Variants in TRPM1 observed in about 807,000 individuals in gnomAD.
TRPM1 encodes TRPM1-203 APA Isoform, Intron 10.
Under a neutral mutation model 149.4 loss-of-function variants are expected in TRPM1, and 113 were observed. That is an observed-to-expected ratio of 0.76 (90% CI 0.65 to 0.88). The LOEUF (loss-of-function observed/expected upper bound fraction) is 0.88. Among genes scored for constraint, TRPM1 ranks in the 40% least tolerant of loss-of-function variants. The pLI is 0.00. For synonymous variants in TRPM1, 741 were observed against 759.5 expected (o/e 0.98, Z 0.40); for missense variants, 1,976 against 2,038.7 (o/e 0.97, Z 0.59).
At chr15:31,094,276 G>A (rs117403031) in intron 1 of TRPM1, among the ~76,000 whole-genome samples, 2,005 of 152,182 alleles carry the variant, frequency 0.013, 17 homozygotes, top group Non-Finnish European at 0.02. Flanking sequence ...ATATATGTGT[G>A]AATTTTCATT....
chr15:31,058,459 G>T (rs2034142521), intron 11 of TRPM1, among the ~76,000 whole-genome samples: 1 of 152,136 alleles, frequency 6.6e-6, no homozygotes, highest in African/African-American at 2.4e-5. Context: ...GTTCAGCAGT[G>T]AACAATCTCC....
At chr15:31,156,930 A>ATTTTT (rs11398253) in intron 1 of TRPM1, among the ~76,000 whole-genome samples, 18 of 147,538 alleles carry the variant, frequency 1.2e-4, no homozygotes, top group African/African-American at 3.5e-4. Flanking sequence ...ACTTACATTT[A>ATTTTT]TTTTTTTTTT....
At chr15:31,151,621 G>A (rs1451568357) in intron 1 of TRPM1, among the ~76,000 whole-genome samples, 2 of 152,254 alleles carry the variant, frequency 1.3e-5, no homozygotes, top group African/African-American at 4.8e-5. Context: ...GCCCCATCCA[G>A]CCCAGTGGTG....
At chr15:31,114,354 CT>C (rs1431021570) in intron 1 of TRPM1, among the ~76,000 whole-genome samples, 1 of 152,160 alleles carries the variant, frequency 6.6e-6, no homozygotes, top group Non-Finnish European at 1.5e-5. Context: ...TGATCTTGTT[CT>C]TTTTTATGGC....
At chr15:31,052,437 A>G (rs1325198981) in intron 11 of TRPM1, among the ~76,000 whole-genome samples, 1 of 152,162 alleles carries the variant, frequency 6.6e-6, no homozygotes, top group African/African-American at 2.4e-5. Flanking sequence ...ACAAATATTA[A>G]CTCAAAATGA....
intron 1 of TRPM1, among the ~76,000 whole-genome samples, chr15:31,125,073 A>G (rs1596087630): frequency 6.6e-6 from 1 of 151,518 alleles, no homozygotes; most frequent in Non-Finnish European, 1.5e-5. Flanking sequence ...TACTTGGGAG[A>G]CTGAGGTAGG....
chr15:31,148,985 C>T (rs1204624570), intron 1 of TRPM1, among the ~76,000 whole-genome samples: 1 of 152,228 alleles, frequency 6.6e-6, no homozygotes, highest in East Asian at 1.9e-4. Context: ...AAGAGTGCAA[C>T]CCACCCGTGT....
upstream of TRPM1, among the ~76,000 whole-genome samples, chr15:31,102,367 C>G (rs1161151680): frequency 6.6e-6 from 1 of 152,204 alleles, no homozygotes; most frequent in Admixed American, 6.5e-5. Flanking sequence ...GCTTTCTCAG[C>G]CCAGGAGGAA....
intron 1 of TRPM1, among the ~76,000 whole-genome samples, chr15:31,091,572 C>T (rs535056223): frequency 6.6e-6 from 1 of 152,280 alleles, no homozygotes; most frequent in South Asian, 2.1e-4. Context: ...TTGGGAGCAG[C>T]AGGGGTTGTT....
chr15:31,060,703 G>A (rs2034209428), intron 10 of TRPM1, 59 bp from the exon 11 acceptor site: 4 of 1,427,268 alleles, frequency 2.8e-6, no homozygotes, highest in Non-Finnish European at 3.9e-6. Context: ...CCAGGGTTTG[G>A]CAGGTGCTGG....
At chr15:31,084,004 G>T (rs1263533446) in intron 1 of TRPM1, among the ~76,000 whole-genome samples, 3 of 152,138 alleles carry the variant, frequency 2.0e-5, no homozygotes, top group Non-Finnish European at 2.9e-5. Flanking sequence ...GGGCTGGCTT[G>T]CAGGAAATGC....
chr15:31,137,602 C>T (rs1050327433), intron 1 of TRPM1, among the ~76,000 whole-genome samples: 8 of 149,068 alleles, frequency 5.4e-5, no homozygotes, highest in African/African-American at 1.7e-4. Context: ...TCTAAAATTG[C>T]TTTTTAAAAA....
intron 1 of TRPM1, among the ~76,000 whole-genome samples, chr15:31,145,729 G>A (rs904137291): frequency 6.6e-6 from 1 of 152,006 alleles, no homozygotes. Context: ...GTAGAGACAC[G>A]GCTGCAAAAA....
chr15:31,157,931 G>T (rs1366503590), intron 1 of TRPM1, among the ~76,000 whole-genome samples: 1 of 152,074 alleles, frequency 6.6e-6, no homozygotes, highest in African/African-American at 2.4e-5. Context: ...GTGCAGAGGG[G>T]TGCTGCTTTC....
At chr15:31,102,654 C>T (rs901338760), upstream of TRPM1, among the ~76,000 whole-genome samples, 1 of 152,186 alleles carries the variant, frequency 6.6e-6, no homozygotes, top group African/African-American at 2.4e-5. Context: ...GGGCTCACTC[C>T]CCCACCCAAT....
intron 27 of TRPM1, among the ~76,000 whole-genome samples, chr15:31,022,399 G>A (rs1272895063): frequency 2.0e-5 from 3 of 152,258 alleles, no homozygotes; most frequent in Non-Finnish European, 4.4e-5. Flanking sequence ...GGAAGGCTGA[G>A]GCAGGAGGAT....
intron 1 of TRPM1, among the ~76,000 whole-genome samples, chr15:31,150,201 AAGG>A (rs2036280906): frequency 6.6e-6 from 1 of 152,116 alleles, no homozygotes; most frequent in African/African-American, 2.4e-5. Flanking sequence ...TCTGGGTTAA[AAGG>A]AGGTTTCTTT....
At chr15:31,073,569 G>A (rs1240468568) in intron 3 of TRPM1, among the ~76,000 whole-genome samples, 3 of 151,954 alleles carry the variant, frequency 2.0e-5, no homozygotes. Context: ...CCACAATCTT[G>A]CTGAACTCAT....
intron 1 of TRPM1, among the ~76,000 whole-genome samples, chr15:31,121,223 CAAAAAA>C (rs71420549): frequency 5.1e-5 from 3 of 59,386 alleles, no homozygotes; most frequent in African/African-American, 1.3e-4. Flanking sequence ...GACTCCATCT[CAAAAAA>C]AAAAAAAAAA....
Sources: allele counts gnomAD v4.1 joint callset (sites outside exome capture counted in the v4.1 genomes callset), GRCh38; gene constraint gnomAD v4.1.1; transcripts MANE v1.5; gene names NCBI Gene and HGNC (gene_info 2026-07-23, HGNC 2026-07-21).